WNT3A: variants seen among roughly 807,000 people sequenced by gnomAD.
The protein encoded by WNT3A is protein Wnt-3a.
In WNT3A, 17 loss-of-function variants were observed where a neutral mutation model predicts 37.0. The observed-to-expected ratio is 0.46, with a 90% CI of 0.31 to 0.69. WNT3A has a LOEUF of 0.69. WNT3A is among the 30% of genes least tolerant of loss of function. The pLI is 0.05. For missense variants in WNT3A, 411 were observed against 510.2 expected (o/e 0.81, Z 1.87); for synonymous variants, 187 against 211.0 (o/e 0.89, Z 0.99).
chr1:228,014,221 C>CTTCAGGTAG (rs2030460711), intron 1 of WNT3A, among the ~76,000 whole-genome samples: 1 of 152,146 alleles, frequency 6.6e-6, no homozygotes, highest in Non-Finnish European at 1.5e-5. Flanking sequence ...TCTCTCAGAG[C>CTTCAGGTAG]TTCAGGTAGG....
chr1:228,008,296 G>T lies in WNT3A; in HGVS notation c.71+1097G>T, dbSNP rs1307625681. On this transcript the variant is annotated intron_variant, in intron 1 of 3. Coordinates refer to ENST00000284523, the MANE Select transcript of WNT3A (RefSeq NM_033131.4). The surrounding 1 kb of genome is among the most constrained non-coding windows in gnomAD (Gnocchi z 4.9). Reference sequence around the variant, plus strand: ...ACACTCCCCCCCATCCTTCTCCGACGGCAGCCTGGAATTATAATAATTACG... The same window carrying T: ...ACACTCCCCCCCATCCTTCTCCGACTGCAGCCTGGAATTATAATAATTACG... Among the ~76,000 whole-genome samples the T allele has an allele frequency of 6.6e-6, 1 of 152,188 alleles. No homozygotes were observed. The highest frequency in any genetic ancestry group is 2.4e-5 in the African/African-American group (1 of 41,436).
intron 2 of WNT3A, among the ~76,000 whole-genome samples, chr1:228,032,144 G>A (rs1012639248): frequency 9.2e-5 from 14 of 152,206 alleles, no homozygotes; most frequent in African/African-American, 3.4e-4. Flanking sequence ...AAGCGGGGAG[G>A]GCTCCTGCCC....
chr1:228,042,044 C>A lies in WNT3A; in HGVS notation c.314-8612C>A, dbSNP rs1358628415. 6.6e-6 allele frequency among the ~76,000 whole-genome samples: 1 copy of A among 152,000 alleles called. No homozygotes were observed. The highest frequency in any genetic ancestry group is 2.4e-5 in the African/African-American group (1 of 41,360). ...GCCAGGCTGGAGTGCAGTGGTGTGA[C>A]CTCGGCTCACTGCAACCTCCGCCTC... On this transcript the variant is annotated intron_variant, in intron 2 of 3. Coordinates refer to ENST00000284523, the MANE Select transcript of WNT3A (RefSeq NM_033131.4). This position sits in a 1 kb window ranked among gnomAD's most constrained non-coding sequence, Gnocchi z 5.2.
At chr1:228,030,447 A>G (rs1169592502) in intron 2 of WNT3A, among the ~76,000 whole-genome samples, 1 of 151,954 alleles carries the variant, frequency 6.6e-6, no homozygotes, top group African/African-American at 2.4e-5. Flanking sequence ...TAAATAAATA[A>G]AAAGGAACCT....
Position 228,008,415 on chromosome 1 carries a change from G to T in WNT3A, c.71+1216G>T, listed in dbSNP as rs570841740. Among the ~76,000 whole-genome samples the T allele has an allele frequency of 6.6e-5, 10 of 152,322 alleles. No individual in the cohort carries two copies. In the South Asian group the frequency reaches 1.9e-3, roughly 28 times the overall value. On this transcript the variant is annotated intron_variant, in intron 1 of 3. Transcript: ENST00000284523. The surrounding 1 kb of genome is among the most constrained non-coding windows in gnomAD (Gnocchi z 4.9). ...ATGGTTCAGGAGCGGGGGCTCCCGC[G>T]GTAGGGGCGCCGGGCCAGGAGCAGC...
At chr1:228,012,191 C>T (rs553622613) in intron 1 of WNT3A, among the ~76,000 whole-genome samples, 3 of 152,186 alleles carry the variant, frequency 2.0e-5, no homozygotes, top group East Asian at 1.9e-4. Context: ...TGCACATCAC[C>T]GTACTGTGAG....
chr1:228,025,747 C>T (rs1308769684), intron 2 of WNT3A, among the ~76,000 whole-genome samples: 3 of 151,854 alleles, frequency 2.0e-5, no homozygotes, highest in Non-Finnish European at 2.9e-5. Flanking sequence ...CTTTTTGATG[C>T]TATTGTCAAT....
rs2030751721 is a variant in WNT3A, at chr1:228,022,829, G to A, written c.234G>A (p.Gln78=). The A allele has an allele frequency of 1.2e-6, 2 of 1,613,924 alleles. No homozygotes were observed. Among genetic ancestry groups the A allele is most frequent in the Non-Finnish European group, 8.5e-7 (1 of 1,180,026 alleles). The change falls in exon 2 of 4, where the codon CAG becomes CAA. Residue 78 remains glutamine (Q), a synonymous_variant. Coordinates refer to ENST00000284523, the MANE Select transcript of WNT3A (RefSeq NM_033131.4). ...EGIKIGIQEC[Q]HQFRGRRWNC... The stretch of plus-strand genomic sequence containing the variant: ...TCAAGATTGGCATCCAGGAGTGCCA[G>A]CACCAGTTCCGCGGCCGCCGGTGGA...
At chr1:228,045,327 G>C (rs1297578419) in intron 2 of WNT3A, among the ~76,000 whole-genome samples, 1 of 152,186 alleles carries the variant, frequency 6.6e-6, no homozygotes, top group Non-Finnish European at 1.5e-5. Flanking sequence ...CAGCTGGGGT[G>C]GGGTATTCAG....
intron 2 of WNT3A, among the ~76,000 whole-genome samples, chr1:228,047,540 G>A (rs1331701812): frequency 6.6e-6 from 1 of 152,182 alleles, no homozygotes; most frequent in Admixed American, 6.5e-5. Context: ...GAGCCCCAGG[G>A]GCTGCTGTCT....
Position 228,050,881 on chromosome 1 carries a change from G to A in WNT3A, c.539G>A (p.Arg180His), listed in dbSNP as rs147719804. 2.5e-6 allele frequency: 4 copies of A among 1,574,024 alleles called. No homozygotes were observed. Among genetic ancestry groups the A allele is most frequent in the African/African-American group, 1.4e-5 (1 of 73,650 alleles). The change falls in exon 3 of 4, where the codon CGC (arginine) becomes CAC (histidine). Residue 180 changes from arginine (R) to histidine (H), a missense_variant. By Grantham distance (29) the Arg-to-His change is conservative. Coordinates refer to ENST00000284523, the MANE Select transcript of WNT3A (RefSeq NM_033131.4). This position sits in a 1 kb window ranked among gnomAD's most constrained non-coding sequence, Gnocchi z 5.0. ...GCCCGGGAGAACCGGCCAGATGCCCGCTCAGCCATGAACCGCCACAACAAC... is the reference window on the plus strand; with the variant it reads ...GCCCGGGAGAACCGGCCAGATGCCCACTCAGCCATGAACCGCCACAACAAC... ...ADARENRPDA[R>H]SAMNRHNNEA...
chr1:228,037,023 G>C lies in WNT3A; in HGVS notation c.314-13633G>C, dbSNP rs528599100. ...ATGGGCTGGGCCCAGGAGTCCCCCC[G>C]GGCCCTGGCACCTGCCAGATAGGTC... On this transcript the variant is annotated intron_variant, in intron 2 of 3. Coordinates refer to ENST00000284523, the MANE Select transcript of WNT3A (RefSeq NM_033131.4). The surrounding 1 kb of genome is among the most constrained non-coding windows in gnomAD (Gnocchi z 4.1). Among the ~76,000 whole-genome samples, 2 of 152,118 alleles carry C rather than the reference G, an allele frequency of 1.3e-5. No homozygotes were observed. Among genetic ancestry groups the C allele is most frequent in the South Asian group, 2.1e-4 (1 of 4,838 alleles).
At chr1:228,028,982 A>G (rs2030924463) in intron 2 of WNT3A, among the ~76,000 whole-genome samples, 1 of 152,122 alleles carries the variant, frequency 6.6e-6, no homozygotes, top group Non-Finnish European at 1.5e-5. Context: ...AGACAGGTTA[A>G]AACAGACAAA....
rs1251744272 is a variant in WNT3A, at chr1:228,042,034, A to G, written c.314-8622A>G. On this transcript the variant is annotated intron_variant, in intron 2 of 3. Coordinates refer to ENST00000284523, the MANE Select transcript of WNT3A (RefSeq NM_033131.4). This position sits in a 1 kb window ranked among gnomAD's most constrained non-coding sequence, Gnocchi z 5.2. ...TCCCTCTGTTGCCAGGCTGGAGTGC[A>G]GTGGTGTGACCTCGGCTCACTGCAA... Among the ~76,000 whole-genome samples the G allele has an allele frequency of 6.6e-6, 1 of 151,982 alleles. No individual in the cohort carries two copies. Among genetic ancestry groups the G allele is most frequent in the African/African-American group, 2.4e-5 (1 of 41,370 alleles).
In WNT3A at chr1:228,039,791, G is replaced by A. The variant is rs2031234724; in HGVS notation, c.314-10865G>A. Among the ~76,000 whole-genome samples the A allele has an allele frequency of 6.6e-6, 1 of 152,152 alleles. No homozygotes were observed. The highest frequency in any genetic ancestry group is 2.4e-5 in the African/African-American group (1 of 41,420). ...TAATTCCCTGATGGGCTTCCCAGAG[G>A]GGCCAGCCTGGGTGAAGCCCTTCAG... On this transcript the variant is annotated intron_variant, in intron 2 of 3. Coordinates refer to ENST00000284523, the MANE Select transcript of WNT3A (RefSeq NM_033131.4). This position sits in a 1 kb window ranked among gnomAD's most constrained non-coding sequence, Gnocchi z 4.1.
chr1:228,052,185 G>A (rs1258559486), intron 3 of WNT3A, among the ~76,000 whole-genome samples: 2 of 152,002 alleles, frequency 1.3e-5, no homozygotes, highest in Admixed American at 1.3e-4. Context: ...GGGACACAGG[G>A]TCTTGCTGGA....
intron 3 of WNT3A, among the ~76,000 whole-genome samples, chr1:228,055,174 AAAAAAATATATATATATATATATAT>A (rs1363151331): frequency 6.2e-5 from 4 of 64,860 alleles, no homozygotes; most frequent in East Asian, 5.3e-4. Flanking sequence ...AAAAAAAAAA[AAAAAAATATATATATATATATATAT>A]ATATATATAT....
Position 228,059,578 on chromosome 1 carries a change from A to ACTCCTCCCTGGGGGTGGGG in WNT3A, c.*119_*137dup. ...GGCAGTACTCCTCCCTGGGGGCGGG[A>ACTCCTCCCTGGGGGTGGGG]CTCCTCCCTGGGGGTGGGGCTCCTA... On this transcript the variant is annotated 3_prime_UTR_variant, in exon 4 of 4. Transcript: ENST00000284523. The ACTCCTCCCTGGGGGTGGGG allele has an allele frequency of 7.3e-7, 1 of 1,365,174 alleles. No homozygotes were observed. The highest frequency in any genetic ancestry group is 2.7e-4 in the Middle Eastern group (1 of 3,696). 84.6% of individuals were successfully genotyped at this position (1,365,174 alleles called of 1,614,324 possible).
intron 1 of WNT3A, among the ~76,000 whole-genome samples, chr1:228,019,131 AGAACTG>A (rs2030617289): frequency 6.6e-6 from 1 of 152,226 alleles, no homozygotes; most frequent in Admixed American, 6.5e-5. Flanking sequence ...AGAGGGGCAC[AGAACTG>A]GCTGACTCAG....
Sources: gnomAD v4.1 joint callset for allele counts (sites outside exome capture counted in the v4.1 genomes callset) on GRCh38, gnomAD v4.1.1 for gene constraint, Gnocchi (gnomAD v3.1) non-coding constraint, MANE v1.5 for transcripts, NCBI Gene and HGNC (gene_info 2026-07-23, HGNC 2026-07-21) for gene names.